The following EXT1 variants were observed in gnomAD, a reference collection of about 807,000 sequenced individuals.
EXT1 encodes exostosin glycosyltransferase 1.
EXT1 carries 20 observed loss-of-function variants against 82.5 expected under a neutral mutation model. The observed-to-expected ratio is 0.24, with a 90% CI of 0.17 to 0.35. EXT1 has a LOEUF of 0.35. EXT1 is among the 10% of genes least tolerant of loss of function. The probability of loss-of-function intolerance (pLI) is 1.00; values close to 1 mark genes in which losing one functional copy is unlikely to be tolerated. For missense variants in EXT1, 757 were observed against 936.5 expected (o/e 0.81, Z 2.50); for synonymous variants, 348 against 350.8 (o/e 0.99, Z 0.09).
chr8:117,965,743 C>T (rs928351662), intron 1 of EXT1, among the ~76,000 whole-genome samples: 1 of 151,972 alleles, frequency 6.6e-6, no homozygotes, highest in Non-Finnish European at 1.5e-5. Context: ...TCTCTAATAC[C>T]CAAAATGAAG....
intron 1 of EXT1, among the ~76,000 whole-genome samples, chr8:117,966,839 C>A (rs1382577285): frequency 6.6e-6 from 1 of 152,138 alleles, no homozygotes; most frequent in Non-Finnish European, 1.5e-5. Context: ...CACTTTGTCC[C>A]TTAAACAAGG....
At chr8:117,811,464 C>A (rs566552249) in intron 8 of EXT1, among the ~76,000 whole-genome samples, 37 of 152,276 alleles carry the variant, frequency 2.4e-4, no homozygotes, top group Non-Finnish European at 4.6e-4. Context: ...CTGGCCCAAC[C>A]ACTCATTCAA....
At chr8:118,082,835 A>T (rs1325674208) in intron 1 of EXT1, among the ~76,000 whole-genome samples, 1 of 152,180 alleles carries the variant, frequency 6.6e-6, no homozygotes, top group Non-Finnish European at 1.5e-5. Flanking sequence ...TCTGGACTTC[A>T]TTTTAATTTC....
chr8:118,055,852 C>T (rs11562759), intron 1 of EXT1, among the ~76,000 whole-genome samples: 8,529 of 151,960 alleles, frequency 0.056, 762 homozygotes, highest in African/African-American at 0.2. Context: ...AATGATTAAC[C>T]CTCATTATGC....
chr8:118,013,677 G>A (rs1201823511), intron 1 of EXT1, among the ~76,000 whole-genome samples: 1 of 152,164 alleles, frequency 6.6e-6, no homozygotes. Flanking sequence ...CACATACAGG[G>A]TTGCTTGATT....
At chr8:118,065,581 T>C (rs1338300481) in intron 1 of EXT1, among the ~76,000 whole-genome samples, 1 of 152,226 alleles carries the variant, frequency 6.6e-6, no homozygotes, top group African/African-American at 2.4e-5. Flanking sequence ...CTTCACCAAA[T>C]GAATCTAAGA....
At chr8:117,929,880 G>C (rs549249447) in intron 1 of EXT1, among the ~76,000 whole-genome samples, 4 of 152,300 alleles carry the variant, frequency 2.6e-5, no homozygotes, top group African/African-American at 9.6e-5. Context: ...GGCCAAGGCA[G>C]GCGTATCACC....
intron 1 of EXT1, among the ~76,000 whole-genome samples, chr8:118,072,948 GCCAT>G (rs2129966079): frequency 6.6e-6 from 1 of 151,868 alleles, no homozygotes; most frequent in South Asian, 2.1e-4. Flanking sequence ...TGCCAATATA[GCCAT>G]CCAAGACACG....
intron 1 of EXT1, among the ~76,000 whole-genome samples, chr8:117,910,240 A>G (rs1813620300): frequency 2.0e-5 from 3 of 152,220 alleles, no homozygotes; most frequent in Admixed American, 6.5e-5. Flanking sequence ...CCACACGAGT[A>G]AGGGCATAGG....
At chr8:117,895,858 C>T (rs993782234) in intron 1 of EXT1, among the ~76,000 whole-genome samples, 4 of 152,126 alleles carry the variant, frequency 2.6e-5, no homozygotes, top group South Asian at 4.1e-4. Context: ...TGCCTCCGTT[C>T]GCATCCAAAG....
At chr8:118,088,293 G>A (rs1335618544) in intron 1 of EXT1, among the ~76,000 whole-genome samples, 1 of 152,094 alleles carries the variant, frequency 6.6e-6, no homozygotes, top group African/African-American at 2.4e-5. Flanking sequence ...AAACCAGACT[G>A]CACATTAACT....
At chr8:118,098,894 T>A (rs1274709909) in intron 1 of EXT1, among the ~76,000 whole-genome samples, 3 of 152,024 alleles carry the variant, frequency 2.0e-5, no homozygotes, top group African/African-American at 7.2e-5. Context: ...GTAGCAGAAA[T>A]CAAATGCTAA....
intron 1 of EXT1, among the ~76,000 whole-genome samples, chr8:118,090,647 C>T (rs749712439): frequency 2.0e-5 from 3 of 151,264 alleles, no homozygotes; most frequent in Non-Finnish European, 4.4e-5. Context: ...CGCATGGTGG[C>T]GGGTGCCTGT....
intron 1 of EXT1, among the ~76,000 whole-genome samples, chr8:117,952,653 T>C (rs867299163): frequency 6.6e-6 from 1 of 151,984 alleles, no homozygotes; most frequent in South Asian, 2.1e-4. Flanking sequence ...TCCCAGTCAC[T>C]TGGGAGGCTG....
chr8:117,946,751 C>G (rs145321349), intron 1 of EXT1, among the ~76,000 whole-genome samples: 4 of 152,324 alleles, frequency 2.6e-5, no homozygotes, highest in African/African-American at 7.2e-5. Flanking sequence ...CCTGTTCCCA[C>G]GTGAACTTCA....
chr8:117,950,921 A>T (rs538741453), intron 1 of EXT1, among the ~76,000 whole-genome samples: 329 of 152,252 alleles, frequency 2.2e-3, no homozygotes, highest in African/African-American at 5.7e-3. Flanking sequence ...TTTTTTTTTT[A>T]AAAGTTGTAA....
At chr8:118,025,025 T>C (rs1223098099) in intron 1 of EXT1, among the ~76,000 whole-genome samples, 1 of 152,188 alleles carries the variant, frequency 6.6e-6, no homozygotes. Flanking sequence ...ATGAAGTATA[T>C]CTAGAAAGAG....
intron 1 of EXT1, among the ~76,000 whole-genome samples, chr8:117,868,255 C>T (rs919413322): frequency 6.6e-6 from 1 of 152,188 alleles, no homozygotes; most frequent in South Asian, 2.1e-4. Context: ...TTTCCCTCAC[C>T]TATTCCCTTA....
intron 1 of EXT1, among the ~76,000 whole-genome samples, chr8:117,851,376 G>T (rs984175522): frequency 2.1e-4 from 26 of 122,546 alleles, no homozygotes; most frequent in Non-Finnish European, 3.9e-4. Context: ...TTTTTAAAAA[G>T]ACAAAAAAAA....
Sources: allele counts gnomAD v4.1 joint callset (sites outside exome capture counted in the v4.1 genomes callset), GRCh38; gene constraint gnomAD v4.1.1; transcripts MANE v1.5; gene names NCBI Gene and HGNC (gene_info 2026-07-23, HGNC 2026-07-21).